Variants in CAMTA1 observed in about 807,000 individuals in gnomAD.
The protein encoded by CAMTA1 is calmodulin binding transcription activator 1.
CAMTA1 carries 27 observed loss-of-function variants against 170.9 expected under a neutral mutation model. The ratio of observed to expected loss-of-function variants is 0.16; its 90% CI spans 0.12 to 0.22. The LOEUF is 0.22. Among genes scored for constraint, CAMTA1 ranks in the 10% least tolerant of loss-of-function variants. CAMTA1 has a pLI of 1.00. For missense variants in CAMTA1, 1,619 were observed against 2,217.2 expected (o/e 0.73, Z 5.42); for synonymous variants, 833 against 891.5 (o/e 0.93, Z 1.17).
intron 3 of CAMTA1, among the ~76,000 whole-genome samples, chr1:6,990,449 C>G (rs1056350492): frequency 3.9e-5 from 6 of 152,210 alleles, no homozygotes; most frequent in Non-Finnish European, 7.3e-5. Context: ...ATATATTTCA[C>G]AGTAAATCAC....
intron 4 of CAMTA1, among the ~76,000 whole-genome samples, chr1:7,145,056 A>G (rs1646104081): frequency 6.6e-6 from 1 of 152,174 alleles, no homozygotes; most frequent in African/African-American, 2.4e-5. Context: ...CTCTGGGGGA[A>G]GTAAGGGAGT....
intron 3 of CAMTA1, among the ~76,000 whole-genome samples, chr1:6,963,993 AG>A (rs1691039010): frequency 6.6e-6 from 1 of 151,956 alleles, no homozygotes; most frequent in Admixed American, 6.5e-5. Context: ...GTGCCCAGAT[AG>A]GGGTGCAGAA....
chr1:7,345,443 C>T (rs2084155808), intron 5 of CAMTA1, among the ~76,000 whole-genome samples: 1 of 152,204 alleles, frequency 6.6e-6, no homozygotes, highest in Non-Finnish European at 1.5e-5. Flanking sequence ...AACTCCTTTC[C>T]CATGATCGCC....
At chr1:7,049,552 G>A (rs1233932997) in intron 3 of CAMTA1, among the ~76,000 whole-genome samples, 2 of 152,074 alleles carry the variant, frequency 1.3e-5, no homozygotes, top group Non-Finnish European at 2.9e-5. Flanking sequence ...TGCCTCCCGG[G>A]TGCAAGCGAT....
At position 7,705,976 on chromosome 1, in the gene CAMTA1, T is replaced by G. The variant is rs116456375; in HGVS notation, c.2915-26472T>G. On this transcript the variant is annotated intron_variant, in intron 11 of 22. Transcript: ENST00000303635. ...ATTGGGTTTCTAGGTATTGCGCCTC[T>G]TTAGAGGTGGCGCTGATGGCGTTCT... is the stretch of plus-strand genomic sequence containing the variant. Among the ~76,000 whole-genome samples, 1,337 of 152,290 alleles carry G rather than the reference T, an allele frequency of 8.8e-3. 12 individuals are homozygous for G. The highest frequency in any genetic ancestry group is 0.029 in the African/African-American group (1,209 of 41,566).
Position 7,680,397 on chromosome 1 carries a change from G to T in CAMTA1, c.2914+2664G>T, listed in dbSNP as rs960369387. ...GCTGGGGAAGGGGTGGGCGCCAGGG[G>T]ACTGCAGCGCGGAGCAAACTGGGGC... is the stretch of plus-strand genomic sequence containing the variant. On this transcript the variant is annotated intron_variant, in intron 11 of 22. Transcript: ENST00000303635. The surrounding 1 kb of genome is among the most constrained non-coding windows in gnomAD (Gnocchi z 4.4). 7.2e-5 allele frequency among the ~76,000 whole-genome samples: 11 copies of T among 152,116 alleles called. No homozygotes were observed. In the East Asian group the frequency reaches 7.8e-4, roughly 11 times the overall value.
intron 3 of CAMTA1, among the ~76,000 whole-genome samples, chr1:6,946,188 C>CTT (rs58150091): frequency 1.2e-3 from 170 of 145,500 alleles, no homozygotes; most frequent in South Asian, 2.4e-3. Context: ...TCTTTCTCTT[C>CTT]TTTTTTTTTT....
chr1:7,447,669 G>A (rs1054515133), intron 5 of CAMTA1, among the ~76,000 whole-genome samples: 4 of 151,968 alleles, frequency 2.6e-5, no homozygotes, highest in Non-Finnish European at 5.9e-5. Flanking sequence ...CCAGTGCCAC[G>A]GGCCTCCCAG....
intron 5 of CAMTA1, among the ~76,000 whole-genome samples, chr1:7,352,730 G>A (rs978999675): frequency 6.6e-6 from 1 of 152,220 alleles, no homozygotes. Flanking sequence ...GAAGTGGGGT[G>A]GGCTCAGGTT....
intron 4 of CAMTA1, among the ~76,000 whole-genome samples, chr1:7,110,917 G>A (rs528580638): frequency 6.6e-6 from 1 of 152,332 alleles, no homozygotes; most frequent in African/African-American, 2.4e-5. Flanking sequence ...GGAACGCATT[G>A]TCTTACAGTT....
At chr1:6,937,998 A>AG (rs1222470351) in intron 3 of CAMTA1, among the ~76,000 whole-genome samples, 2 of 152,216 alleles carry the variant, frequency 1.3e-5, no homozygotes, top group African/African-American at 4.8e-5. Context: ...CTTTAATCTC[A>AG]GGGGGCAGAT....
chr1:7,364,835 C>T (rs1203388950), intron 5 of CAMTA1, among the ~76,000 whole-genome samples: 3 of 152,116 alleles, frequency 2.0e-5, no homozygotes, highest in African/African-American at 7.2e-5. Flanking sequence ...GTCCATGGCA[C>T]AAAGCAAGGG....
rs558022527 is a variant in CAMTA1, at chr1:7,699,719, G to A, written c.2914+21986G>A. Among the ~76,000 whole-genome samples, 4 of 152,328 alleles carry A rather than the reference G, an allele frequency of 2.6e-5. No individual in the cohort carries two copies. In the South Asian group the frequency reaches 6.2e-4, roughly 24 times the overall value. On this transcript the variant is annotated intron_variant, in intron 11 of 22. Transcript: ENST00000303635. The stretch of plus-strand genomic sequence containing the variant: ...TTGTGATTATAGTCACTTAGTGGGT[G>A]TGAAGTGGTATCTCATTGTGGTTTT...
intron 5 of CAMTA1, chr1:7,369,067 G>C (rs2086237228): frequency 6.6e-6 from 1 of 152,534 alleles, no homozygotes. Context: ...CCTGGGTGTG[G>C]AGGTTGCTTC....
Position 7,216,060 on chromosome 1 carries a change from G to A in CAMTA1, c.303-33431G>A, listed in dbSNP as rs1364160434. Among the ~76,000 whole-genome samples the A allele has an allele frequency of 6.6e-6, 1 of 152,222 alleles. No homozygotes were observed. The highest frequency in any genetic ancestry group is 2.4e-5 in the African/African-American group (1 of 41,464). Reference sequence around the variant, plus strand: ...ACTCATGGTTCCACAGGCTTTACAGGAAGCATGGCTGGGGAGACCTCAGGA... The same window carrying A: ...ACTCATGGTTCCACAGGCTTTACAGAAAGCATGGCTGGGGAGACCTCAGGA... On this transcript the variant is annotated intron_variant, in intron 4 of 22. Transcript: ENST00000303635. The surrounding 1 kb of genome is among the most constrained non-coding windows in gnomAD (Gnocchi z 4.0).
intron 4 of CAMTA1, among the ~76,000 whole-genome samples, chr1:7,178,925 G>A (rs1651512849): frequency 6.6e-6 from 1 of 152,222 alleles, no homozygotes; most frequent in African/African-American, 2.4e-5. Context: ...ACAGCAGGTT[G>A]CTTGGCAGTG....
intron 3 of CAMTA1, among the ~76,000 whole-genome samples, chr1:7,059,316 AG>A (rs1236708131): frequency 1.3e-5 from 2 of 152,172 alleles, no homozygotes; most frequent in African/African-American, 4.8e-5. Flanking sequence ...TGGGGAAGTT[AG>A]AGGAGTTTAA....
chr1:7,757,959 G>GT (rs1302616246), intron 22 of CAMTA1, among the ~76,000 whole-genome samples: 3 of 151,550 alleles, frequency 2.0e-5, no homozygotes, highest in East Asian at 1.9e-4. Context: ...GCTCGGAGAC[G>GT]TTTTTTTTGA....
chr1:6,997,313 T>C (rs1203451247), intron 3 of CAMTA1, among the ~76,000 whole-genome samples: 1 of 152,186 alleles, frequency 6.6e-6, no homozygotes, highest in East Asian at 1.9e-4. Flanking sequence ...CGTTAAAGTC[T>C]CCAACCAAAC....
Sources: allele counts gnomAD v4.1 joint callset (sites outside exome capture counted in the v4.1 genomes callset), GRCh38; gene constraint gnomAD v4.1.1; non-coding constraint Gnocchi (gnomAD v3.1); transcripts MANE v1.5; gene names NCBI Gene and HGNC (gene_info 2026-07-23, HGNC 2026-07-21).